Variants in TET2 observed in about 807,000 individuals in gnomAD.
TET2 encodes methylcytosine dioxygenase TET2.
In TET2, 299 loss-of-function variants were observed where a neutral mutation model predicts 142.9. That is an observed-to-expected ratio of 2.09 (90% CI 1.90 to 2.30). TET2 has a LOEUF of 2.30. Ranked by LOEUF, TET2 falls within the 30% of genes most tolerant of loss-of-function variation. The pLI is 0.00. For missense variants in TET2, 2,418 were observed against 2,378.0 expected (o/e 1.02, Z -0.35); for synonymous variants, 819 against 849.0 (o/e 0.96, Z 0.61).
Position 105,243,782 on chromosome 4 carries a change from A to C in TET2, c.3803+4A>C, listed in dbSNP as rs1389940299. 1.3e-6 allele frequency: 2 copies of C among 1,551,064 alleles called. No homozygotes were observed. The highest frequency in any genetic ancestry group is 1.7e-6 in the Non-Finnish European group (2 of 1,146,590). On this transcript the variant is annotated splice_donor_region_variant and intron_variant, in intron 6 of 10. Coordinates refer to ENST00000380013, the MANE Select transcript of TET2 (RefSeq NM_001127208.3). ...GCCGGTGTGCCTTGAATGAAGAGTA[A>C]GTGAAGCCCAGGGCCTCTCCCCTCT...
chr4:105,221,803 C>T (rs11097882), intron 2 of TET2, among the ~76,000 whole-genome samples: 73,171 of 150,732 alleles, frequency 0.49, 19,054 homozygotes, highest in Non-Finnish European at 0.61. Context: ...CATGCTGGTG[C>T]GCTGCACCCA....
intron 2 of TET2, among the ~76,000 whole-genome samples, chr4:105,215,186 G>A (rs1485151620): frequency 6.6e-6 from 1 of 152,138 alleles, no homozygotes; most frequent in African/African-American, 2.4e-5. Flanking sequence ...ATGCATTTTG[G>A]AGAGGTTTTT....
chr4:105,232,172 C>T lies in TET2; in HGVS notation c.-46-1725C>T, dbSNP rs146076815. On this transcript the variant is annotated intron_variant, in intron 2 of 10. Coordinates refer to ENST00000380013, the MANE Select transcript of TET2 (RefSeq NM_001127208.3). ...TTAGGATAATGGCCTCCAGCTCCAT[C>T]CATGTTGCTGCACAGAACACGATTT... Among the ~76,000 whole-genome samples, 45 of 152,270 alleles carry T rather than the reference C, an allele frequency of 3.0e-4. No homozygotes were observed. The East Asian group carries it at 7.7e-3, about 26-fold the overall frequency.
At chr4:105,197,748 C>A (rs1263194798) in intron 2 of TET2, among the ~76,000 whole-genome samples, 1 of 152,182 alleles carries the variant, frequency 6.6e-6, no homozygotes, top group African/African-American at 2.4e-5. Context: ...AAGTGTATTT[C>A]ATTTAGAACA....
In TET2 at chr4:105,207,037, G is replaced by A. The variant is rs80071777; in HGVS notation, c.-47+16532G>A. Among the ~76,000 whole-genome samples the A allele has an allele frequency of 0.017, 2,577 of 152,198 alleles. 141 individuals are homozygous for A. In the East Asian group the frequency reaches 0.17, roughly 10 times the overall value. On this transcript the variant is annotated intron_variant, in intron 2 of 10. Coordinates refer to ENST00000380013, the MANE Select transcript of TET2 (RefSeq NM_001127208.3). ...ATTCGAGTTGAACTCTTCAAGTGAA[G>A]CTTCAGAGATATAAAAAACTTTAAC...
intron 6 of TET2, among the ~76,000 whole-genome samples, chr4:105,250,458 C>T (rs1361821308): frequency 4.6e-5 from 6 of 129,044 alleles, no homozygotes; most frequent in African/African-American, 1.5e-4. Context: ...TTTTGAACTC[C>T]TGGCTAAAGA....
rs1418351489 is a variant in TET2, at chr4:105,279,512, G to A, written c.*2993G>A. 1 of 232,340 alleles carries A rather than the reference G, an allele frequency of 4.3e-6. No individual in the cohort carries two copies. The highest frequency in any genetic ancestry group is 8.5e-6 in the Non-Finnish European group (1 of 117,516). 14.4% of individuals were successfully genotyped at this position (232,340 alleles called of 1,614,324 possible). A position where few individuals can be genotyped will look rare whatever the true frequency, so the allele number is the denominator to read the frequency against. On this transcript the variant is annotated 3_prime_UTR_variant, in exon 11 of 11. Coordinates refer to ENST00000380013, the MANE Select transcript of TET2 (RefSeq NM_001127208.3). ...GAATGAATTTTTCATCTTGATTGAC[G>A]CACAGTGATGTACAGTTCACTTCTG...
intron 2 of TET2, among the ~76,000 whole-genome samples, chr4:105,196,617 C>T (rs936895448): frequency 5.3e-5 from 8 of 152,166 alleles, no homozygotes; most frequent in Admixed American, 2.0e-4. Context: ...CACACTGAAC[C>T]TTTGTACCGC....
chr4:105,249,459 C>G (rs898110707), intron 6 of TET2, among the ~76,000 whole-genome samples: 1 of 152,190 alleles, frequency 6.6e-6, no homozygotes, highest in Non-Finnish European at 1.5e-5. Flanking sequence ...TTGGGATATA[C>G]ACCTAGGAGT....
At chr4:105,255,544 TTCTA>T (rs1334321395) in intron 6 of TET2, among the ~76,000 whole-genome samples, 2 of 152,220 alleles carry the variant, frequency 1.3e-5, no homozygotes, top group East Asian at 1.9e-4. Context: ...CTTTTTAATC[TTCTA>T]TCTACTTTTA....
At chr4:105,262,619 C>T (rs1730496696) in intron 8 of TET2, among the ~76,000 whole-genome samples, 1 of 152,096 alleles carries the variant, frequency 6.6e-6, no homozygotes, top group South Asian at 2.1e-4. Flanking sequence ...CGGTGGCTCA[C>T]ACCTTTAATC....
At chr4:105,246,365 AGTTT>A (rs1460086701) in intron 6 of TET2, among the ~76,000 whole-genome samples, 1 of 152,262 alleles carries the variant, frequency 6.6e-6, no homozygotes, top group African/African-American at 2.4e-5. Context: ...GTAGTTTGTT[AGTTT>A]AACTGCTCTA....
chr4:105,201,078 G>A (rs1726435560), intron 2 of TET2, among the ~76,000 whole-genome samples: 1 of 152,152 alleles, frequency 6.6e-6, no homozygotes, highest in Non-Finnish European at 1.5e-5. Context: ...TGAGTTACTT[G>A]ATAATACCAC....
intron 2 of TET2, among the ~76,000 whole-genome samples, chr4:105,229,976 C>T (rs970297345): frequency 1.3e-5 from 2 of 151,946 alleles, no homozygotes; most frequent in African/African-American, 4.8e-5. Context: ...TTGTTTCTAA[C>T]CTTTTATTAC....
intron 6 of TET2, among the ~76,000 whole-genome samples, chr4:105,246,781 T>A (rs932826823): frequency 6.6e-6 from 1 of 152,236 alleles, no homozygotes; most frequent in African/African-American, 2.4e-5. Flanking sequence ...ATCACTGAGT[T>A]CTTACAAATC....
At chr4:105,154,030 A>T (rs1026831544) in intron 1 of TET2, among the ~76,000 whole-genome samples, 1 of 152,252 alleles carries the variant, frequency 6.6e-6, no homozygotes, top group Non-Finnish European at 1.5e-5. Context: ...TCTGAGAGGC[A>T]CAAGAAAGGC....
intron 4 of TET2, chr4:105,241,776 T>C: frequency 5.6e-6 from 7 of 1,252,202 alleles, no homozygotes; most frequent in Non-Finnish European, 7.1e-6. Flanking sequence ...TAATAAAGTG[T>C]CAAAGCAGAA....
intron 7 of TET2, among the ~76,000 whole-genome samples, chr4:105,260,473 C>A (rs369804416): frequency 6.7e-6 from 1 of 149,066 alleles, no homozygotes; most frequent in Admixed American, 6.6e-5. Flanking sequence ...AAAAAAAAAA[C>A]GAAGCCATTA....
intron 2 of TET2, among the ~76,000 whole-genome samples, chr4:105,211,147 G>A (rs1225874047): frequency 3.9e-5 from 6 of 152,106 alleles, no homozygotes; most frequent in Admixed American, 2.6e-4. Context: ...GTTCCCTCTA[G>A]CTGAATCATT....
Sources: allele counts gnomAD v4.1 joint callset (sites outside exome capture counted in the v4.1 genomes callset), GRCh38; gene constraint gnomAD v4.1.1; transcripts MANE v1.5; gene names NCBI Gene and HGNC (gene_info 2026-07-23, HGNC 2026-07-21).